The following UNC80 variants were observed in gnomAD, a reference collection of about 807,000 sequenced individuals.
UNC80 encodes protein unc-80 homolog.
Under a neutral mutation model 384.6 loss-of-function variants are expected in UNC80, and 164 were observed. The ratio of observed to expected loss-of-function variants is 0.43; its 90% CI spans 0.38 to 0.49. UNC80 has a LOEUF of 0.49. Among genes scored for constraint, UNC80 ranks in the 20% least tolerant of loss-of-function variants. The pLI, the probability that UNC80 is intolerant of heterozygous loss-of-function variation, is 0.00. For synonymous variants in UNC80, 1,486 were observed against 1,527.8 expected, an observed-to-expected ratio of 0.97 and a Z score of 0.64; for missense variants, 3,330 against 4,143.0, an observed-to-expected ratio of 0.80 and a Z score of 5.39.
At chr2:209,886,552 T>C (rs2085825742) in intron 25 of UNC80, among the ~76,000 whole-genome samples, 1 of 152,104 alleles carries the variant, frequency 6.6e-6, no homozygotes, top group Non-Finnish European at 1.5e-5. Flanking sequence ...AGTAATTACT[T>C]TCCTCGAGGC....
At chr2:209,955,027 A>G (rs1373383972) in intron 48 of UNC80, among the ~76,000 whole-genome samples, 1 of 152,180 alleles carries the variant, frequency 6.6e-6, no homozygotes, top group Non-Finnish European at 1.5e-5. Context: ...TGGATGCAGG[A>G]CACTATGCGT....
At chr2:209,985,589 C>A (rs2093270578) in intron 61 of UNC80, among the ~76,000 whole-genome samples, 1 of 152,186 alleles carries the variant, frequency 6.6e-6, no homozygotes, top group Non-Finnish European at 1.5e-5. Context: ...AATGTAATGT[C>A]TTGGCTATTG....
intron 2 of UNC80, among the ~76,000 whole-genome samples, chr2:209,774,422 T>C (rs988246800): frequency 1.3e-5 from 2 of 152,228 alleles, no homozygotes; most frequent in Admixed American, 6.5e-5. Flanking sequence ...GAAGATATTT[T>C]TGGCATTTTT....
At chr2:209,967,690 T>A (rs1013776227) in intron 52 of UNC80, 53 bp downstream of exon 52, 3 of 1,525,708 alleles carry the variant, frequency 2.0e-6, no homozygotes, top group Admixed American at 4.0e-5. Context: ...AAGTTAAGAT[T>A]TGTCATTTTT....
At chr2:209,919,502 CTA>C (rs1415921954) in intron 33 of UNC80, among the ~76,000 whole-genome samples, 1 of 152,142 alleles carries the variant, frequency 6.6e-6, no homozygotes, top group African/African-American at 2.4e-5. Flanking sequence ...ATCTTATTAA[CTA>C]GTGTTATTAT....
At chr2:209,782,754 T>G (rs1200276779) in intron 4 of UNC80, among the ~76,000 whole-genome samples, 1 of 152,136 alleles carries the variant, frequency 6.6e-6, no homozygotes. Context: ...GCTCAAATAG[T>G]TTATATAAAA....
At chr2:209,881,758 T>C (rs2085312183) in intron 25 of UNC80, among the ~76,000 whole-genome samples, 1 of 152,012 alleles carries the variant, frequency 6.6e-6, no homozygotes, top group Non-Finnish European at 1.5e-5. Context: ...GTTCACAGAG[T>C]GTGTGGCACG....
At chr2:209,790,012 C>T (rs1379962874) in intron 6 of UNC80, among the ~76,000 whole-genome samples, 2 of 151,724 alleles carry the variant, frequency 1.3e-5, no homozygotes, top group African/African-American at 4.8e-5. Context: ...ATAATGCTGC[C>T]GGAGGTCAGA....
intron 7 of UNC80, among the ~76,000 whole-genome samples, chr2:209,797,508 C>T (rs2078239309): frequency 6.6e-6 from 1 of 152,226 alleles, no homozygotes; most frequent in Admixed American, 6.5e-5. Context: ...CGATCTCTTT[C>T]CTTTCTGTGG....
intron 22 of UNC80, among the ~76,000 whole-genome samples, chr2:209,866,703 T>C (rs1276079637): frequency 6.6e-6 from 1 of 152,244 alleles, no homozygotes; most frequent in African/African-American, 2.4e-5. Flanking sequence ...CATTTTTATT[T>C]GTAAAAATTC....
At chr2:209,923,844 ATATT>A (rs1461868187) in intron 35 of UNC80, among the ~76,000 whole-genome samples, 1 of 151,930 alleles carries the variant, frequency 6.6e-6, no homozygotes, top group Non-Finnish European at 1.5e-5. Flanking sequence ...CAGTTGATTC[ATATT>A]TGTTTGTTTT....
chr2:209,812,032 ATTTTTG>A (rs751250011), intron 7 of UNC80, among the ~76,000 whole-genome samples: 1 of 151,924 alleles, frequency 6.6e-6, no homozygotes, highest in Non-Finnish European at 1.5e-5. Flanking sequence ...ACTCCATAGT[ATTTTTG>A]TTTTTGTTTT....
Position 209,904,827 on chromosome 2 carries a change from C to G in UNC80, c.4644C>G (p.Pro1548=), listed in dbSNP as rs1450106307. The G allele has an allele frequency of 3.9e-6, 6 of 1,551,788 alleles. No homozygotes were observed. The highest frequency in any genetic ancestry group is 4.4e-6 in the Non-Finnish European group (5 of 1,147,046). ...GCACTCACGTTGACTACTGCCATCC[C>G]CACTGCTACCTGCACCACAGCCGCT... ...FICTHVDYCH[P]HCYLHHSRSC... The change falls in exon 29 of 65, where the codon CCC becomes CCG. Residue 1548 remains proline, a synonymous_variant. Coordinates refer to ENST00000673920, the MANE Select transcript of UNC80 (RefSeq NM_001371986.1).
rs950899164 is a variant in UNC80 at position 209,813,634 on chromosome 2, C to T, written c.993C>T (p.Asp331=). ...CQRSRYATYF[D]VAVLRCLLQP... ...GGTCCCGCTATGCCACCTACTTTGA[C>T]GTTGCTGTTCTGCGCTGCCTACTTC... The change falls in exon 8 of 65, where the codon GAC becomes GAT. Residue 331 remains aspartate (D), a synonymous_variant. Coordinates refer to ENST00000673920, the MANE Select transcript of UNC80 (RefSeq NM_001371986.1). The T allele has an allele frequency of 1.3e-5, 20 of 1,551,722 alleles. No homozygotes were observed. The African/African-American group carries it at 2.2e-4, about 17-fold the overall frequency.
intron 21 of UNC80, among the ~76,000 whole-genome samples, chr2:209,846,549 T>G (rs1206448486): frequency 6.6e-6 from 1 of 152,042 alleles, no homozygotes; most frequent in Non-Finnish European, 1.5e-5. Flanking sequence ...ATGATAATGA[T>G]TTGCCAACTA....
At chr2:209,992,124 G>A (rs1262033639) in intron 61 of UNC80, 42 bp from the exon 62 acceptor site, 1 of 1,527,168 alleles carries the variant, frequency 6.5e-7, no homozygotes, top group Non-Finnish European at 8.9e-7. Context: ...ACAGTCTCCT[G>A]TACTCTCTCC....
chr2:209,882,603 A>C (rs1447538542), intron 25 of UNC80, among the ~76,000 whole-genome samples: 1 of 152,134 alleles, frequency 6.6e-6, no homozygotes, highest in Non-Finnish European at 1.5e-5. Flanking sequence ...TAATTTTCTG[A>C]ATTGTCACTT....
intron 58 of UNC80, 22 bp downstream of exon 58, chr2:209,977,100 G>A: frequency 6.8e-7 from 1 of 1,465,376 alleles, no homozygotes; most frequent in Non-Finnish European, 9.2e-7. Context: ...TGAGAGTGTT[G>A]TGAATTTGTT....
At chr2:209,808,349 G>C (rs2079044366) in intron 7 of UNC80, among the ~76,000 whole-genome samples, 1 of 151,996 alleles carries the variant, frequency 6.6e-6, no homozygotes, top group Non-Finnish European at 1.5e-5. Context: ...GGTCACCTGA[G>C]GTCAGATGTT....
Sources: gnomAD v4.1 joint callset for allele counts (sites outside exome capture counted in the v4.1 genomes callset) on GRCh38, gnomAD v4.1.1 for gene constraint, MANE v1.5 for transcripts, NCBI Gene and HGNC (gene_info 2026-07-23, HGNC 2026-07-21) for gene names.